Variants in RGS6 observed in about 807,000 individuals in gnomAD.
The protein encoded by RGS6 is regulator of G-protein signaling 6.
Under a neutral mutation model 78.5 loss-of-function variants are expected in RGS6, and 30 were observed. The ratio of observed to expected loss-of-function variants is 0.38; its 90% confidence interval spans 0.29 to 0.52. RGS6 has a LOEUF of 0.52. RGS6 is among the 20% of genes least tolerant of loss of function. The pLI is 0.85. For synonymous variants in RGS6, 206 were observed against 206.0 expected (o/e 1.00, Z 0.00); for missense variants, 495 against 609.7 (o/e 0.81, Z 1.98).
chr14:72,412,024 T>C (rs1379780858), intron 3 of RGS6, among the ~76,000 whole-genome samples: 1 of 152,152 alleles, frequency 6.6e-6, no homozygotes, highest in Non-Finnish European at 1.5e-5. Flanking sequence ...TGGTCTAAAA[T>C]TCTCTTTTTA....
At chr14:71,976,369 T>C (rs1177806442) in intron 2 of RGS6, among the ~76,000 whole-genome samples, 1 of 151,036 alleles carries the variant, frequency 6.6e-6, no homozygotes, top group Non-Finnish European at 1.5e-5. Context: ...CACTAACTCG[T>C]CATCTAGCAT....
intron 2 of RGS6, among the ~76,000 whole-genome samples, chr14:72,214,161 C>T (rs1302515549): frequency 6.6e-6 from 1 of 151,108 alleles, no homozygotes; most frequent in African/African-American, 2.4e-5. Flanking sequence ...AAAAAAACTA[C>T]ACTGTTTATT....
At chr14:72,259,621 A>C (rs1267689372) in intron 2 of RGS6, among the ~76,000 whole-genome samples, 1 of 152,162 alleles carries the variant, frequency 6.6e-6, no homozygotes, top group Non-Finnish European at 1.5e-5. Flanking sequence ...AAAATGCTTA[A>C]TGAGGGCCGG....
the RGS6 span, among the ~76,000 whole-genome samples, chr14:72,613,462 C>T: frequency 6.6e-6 from 1 of 152,352 alleles, no homozygotes; most frequent in African/African-American, 2.4e-5. Flanking sequence ...AAAATACTCC[C>T]TTCTCCTGGT....
chr14:72,618,788 G>A, the RGS6 span, among the ~76,000 whole-genome samples: 1 of 152,168 alleles, frequency 6.6e-6, no homozygotes, highest in Non-Finnish European at 1.5e-5. Context: ...CCCAAGTCTA[G>A]AAGTTTCCAG....
At chr14:72,533,608 A>T (rs1377299279) in intron 15 of RGS6, among the ~76,000 whole-genome samples, 1 of 152,260 alleles carries the variant, frequency 6.6e-6, no homozygotes, top group Non-Finnish European at 1.5e-5. Flanking sequence ...GGATGCCATT[A>T]AGAACATTTG....
At chr14:72,302,363 C>T (rs2066261931) in intron 2 of RGS6, among the ~76,000 whole-genome samples, 1 of 152,202 alleles carries the variant, frequency 6.6e-6, no homozygotes. Context: ...ACTCTTTCAA[C>T]CAGGGAACCA....
At chr14:72,577,567 C>G in the RGS6 span, among the ~76,000 whole-genome samples, 9 of 152,166 alleles carry the variant, frequency 5.9e-5, no homozygotes, top group African/African-American at 2.2e-4. Flanking sequence ...AGGGAAACAT[C>G]AAGACACATC....
Position 72,055,254 on chromosome 14 carries a change from T to C in RGS6, c.84+90379T>C, listed in dbSNP as rs1404805740. Among the ~76,000 whole-genome samples, 3 of 152,158 alleles carry C rather than the reference T, an allele frequency of 2.0e-5. No individual in the cohort carries two copies. In the East Asian group the frequency reaches 5.8e-4, roughly 29 times the overall value. Reference sequence around the variant, plus strand: ...TATCCATTTACACTTCCACCAGAGGTGCAGAAAAGATCCTATCAGTTCACC... The same window carrying C: ...TATCCATTTACACTTCCACCAGAGGCGCAGAAAAGATCCTATCAGTTCACC... On this transcript the variant is annotated intron_variant, in intron 2 of 17. Coordinates refer to ENST00000553525, the MANE Select transcript of RGS6 (RefSeq NM_001204424.2).
rs141801469 is a variant in RGS6 at position 72,328,935 on chromosome 14, G to A, written c.85-23160G>A. On this transcript the variant is annotated intron_variant, in intron 2 of 17. Transcript: ENST00000553525. ...TGCCCAGGCTAGAGTGCAATGGCACGATCTTGGCTCACTGCAACCTCTGCC... is the reference window on the plus strand; with the variant it reads ...TGCCCAGGCTAGAGTGCAATGGCACAATCTTGGCTCACTGCAACCTCTGCC... Among the ~76,000 whole-genome samples, 437 of 152,272 alleles carry A rather than the reference G, an allele frequency of 2.9e-3. 2 individuals are homozygous for A. The highest frequency in any genetic ancestry group is 0.01 in the African/African-American group (418 of 41,558).
At chr14:72,052,834 C>G (rs2093330857) in intron 2 of RGS6, among the ~76,000 whole-genome samples, 1 of 152,230 alleles carries the variant, frequency 6.6e-6, no homozygotes, top group African/African-American at 2.4e-5. Context: ...ACTTAGGGAT[C>G]AAGTTGTGTG....
intron 2 of RGS6, among the ~76,000 whole-genome samples, chr14:72,189,880 A>C (rs1190366526): frequency 2.6e-5 from 4 of 152,208 alleles, no homozygotes; most frequent in Non-Finnish European, 5.9e-5. Context: ...GCCAGGATCC[A>C]CATATCTAAC....
chr14:72,197,222 T>C (rs1165519762), intron 2 of RGS6, among the ~76,000 whole-genome samples: 1 of 152,116 alleles, frequency 6.6e-6, no homozygotes, highest in African/African-American at 2.4e-5. Flanking sequence ...CACGCCACCA[T>C]GCCTGGCTGA....
the RGS6 span, among the ~76,000 whole-genome samples, chr14:71,911,231 C>T: frequency 6.6e-6 from 1 of 152,172 alleles, no homozygotes; most frequent in Admixed American, 6.5e-5. Context: ...CTTCTGACCA[C>T]AATGGCTTAA....
At chr14:72,041,705 T>C (rs1020257430) in intron 2 of RGS6, among the ~76,000 whole-genome samples, 3 of 152,232 alleles carry the variant, frequency 2.0e-5, no homozygotes, top group African/African-American at 7.2e-5. Flanking sequence ...CTTCACTTTG[T>C]ATTTGCCTAG....
At chr14:72,054,728 C>G (rs2093527179) in intron 2 of RGS6, among the ~76,000 whole-genome samples, 1 of 152,328 alleles carries the variant, frequency 6.6e-6, no homozygotes, top group African/African-American at 2.4e-5. Context: ...CTTCACCTCC[C>G]CATCCCTCTG....
chr14:72,448,597 C>T (rs1350879199), intron 3 of RGS6, among the ~76,000 whole-genome samples: 1 of 151,894 alleles, frequency 6.6e-6, no homozygotes, highest in Non-Finnish European at 1.5e-5. Flanking sequence ...CTATTTACAA[C>T]ATAGGATTAG....
rs1047338959 is a variant in RGS6, at chr14:72,471,390, A to C, written c.536+1307A>C. Among the ~76,000 whole-genome samples, 6 of 152,328 alleles carry C rather than the reference A, an allele frequency of 3.9e-5. No individual in the cohort carries two copies. The South Asian group carries it at 1.2e-3, about 32-fold the overall frequency. ...CCTGTCCCTCCCAGGGATGATGTCT[A>C]GGTTAGCCAGGATGGTTAGTTAACA... On this transcript the variant is annotated intron_variant, in intron 8 of 17. Coordinates refer to ENST00000553525, the MANE Select transcript of RGS6 (RefSeq NM_001204424.2).
chr14:72,206,255 A>G (rs35953744), intron 2 of RGS6, among the ~76,000 whole-genome samples: 9,808 of 152,234 alleles, frequency 0.064, 401 homozygotes, highest in East Asian at 0.23. Flanking sequence ...TTTTGAGGCC[A>G]GGAGTTCAAG....
Sources: gnomAD v4.1 joint callset for allele counts (sites outside exome capture counted in the v4.1 genomes callset) on GRCh38, gnomAD v4.1.1 for gene constraint, MANE v1.5 for transcripts, NCBI Gene and HGNC (gene_info 2026-07-23, HGNC 2026-07-21) for gene names.